FHIT: variants seen among roughly 807,000 people sequenced by gnomAD.
FHIT encodes fragile histidine triad diadenosine triphosphatase, also known as bis(5'-adenosyl)-triphosphatase.
In FHIT, 19 loss-of-function variants were observed where a neutral mutation model predicts 17.9. The observed-to-expected ratio is 1.06, with a 90% CI of 0.74 to 1.56. The LOEUF is 1.56. Among genes scored for constraint, FHIT ranks in the 40% most tolerant of loss-of-function variants. The probability of loss-of-function intolerance (pLI) is 0.00; values close to 1 mark genes in which losing one functional copy is unlikely to be tolerated. For missense variants in FHIT, 248 were observed against 189.2 expected, an observed-to-expected ratio of 1.31 and a Z score of -1.82; for synonymous variants, 81 against 69.7, an observed-to-expected ratio of 1.16 and a Z score of -0.81.
intron 7 of FHIT, among the ~76,000 whole-genome samples, chr3:59,927,239 C>T (rs1317274930): frequency 6.6e-6 from 1 of 151,958 alleles, no homozygotes; most frequent in African/African-American, 2.4e-5. Flanking sequence ...CATGAAAAAG[C>T]CAAATGAGGC....
chr3:59,986,963 A>T (rs2107459128), intron 7 of FHIT, among the ~76,000 whole-genome samples: 1 of 126,142 alleles, frequency 7.9e-6, no homozygotes, highest in South Asian at 2.3e-4. Flanking sequence ...GTATATATGT[A>T]TAGGATTTAC....
At chr3:61,161,687 A>G (rs2037699992) in intron 2 of FHIT, among the ~76,000 whole-genome samples, 1 of 152,248 alleles carries the variant, frequency 6.6e-6, no homozygotes, top group African/African-American at 2.4e-5. Flanking sequence ...AGCAGAAACA[A>G]GAGACAGCAT....
At chr3:60,523,829 TTCTC>T (rs1399948269) in intron 5 of FHIT, among the ~76,000 whole-genome samples, 3 of 152,198 alleles carry the variant, frequency 2.0e-5, no homozygotes, top group African/African-American at 4.8e-5. Flanking sequence ...CACCTGTTAC[TTCTC>T]TCTCTTTCAA....
At chr3:60,855,143 T>C (rs1378851235) in intron 3 of FHIT, among the ~76,000 whole-genome samples, 1 of 152,152 alleles carries the variant, frequency 6.6e-6, no homozygotes, top group African/African-American at 2.4e-5. Flanking sequence ...AAATGTATTC[T>C]CCTTCTTCTC....
intron 8 of FHIT, among the ~76,000 whole-genome samples, chr3:59,852,693 C>A (rs1701989891): frequency 6.6e-6 from 1 of 152,180 alleles, no homozygotes; most frequent in Non-Finnish European, 1.5e-5. Context: ...CTCCCTCCCT[C>A]CTAATCCTTG....
In FHIT at chr3:60,515,964, G is replaced by C. The variant is rs536947886; in HGVS notation, c.103+20896C>G. ...CTCTGGGTATGCAAAAATCACCTTTGCCTTCAGGAAATAAGGCTCACATTT... is the reference window on the plus strand; with the variant it reads ...CTCTGGGTATGCAAAAATCACCTTTCCCTTCAGGAAATAAGGCTCACATTT... On this transcript the variant is annotated intron_variant, in intron 5 of 9. Transcript: ENST00000492590. Among the ~76,000 whole-genome samples the C allele has an allele frequency of 3.9e-5, 6 of 152,218 alleles. No individual in the cohort carries two copies. In the South Asian group the frequency reaches 1.2e-3, roughly 32 times the overall value.
chr3:60,507,654 G>A (rs2034788690), intron 5 of FHIT, among the ~76,000 whole-genome samples: 1 of 151,956 alleles, frequency 6.6e-6, no homozygotes, highest in Non-Finnish European at 1.5e-5. Flanking sequence ...TATTTTTCCT[G>A]ATCCTCTCCC....
At chr3:60,790,552 T>C (rs1227993397) in intron 4 of FHIT, among the ~76,000 whole-genome samples, 1 of 152,076 alleles carries the variant, frequency 6.6e-6, no homozygotes, top group Non-Finnish European at 1.5e-5. Flanking sequence ...AAACCTGCAG[T>C]TTTTCCAACT....
At chr3:60,571,316 A>T (rs909163190) in intron 4 of FHIT, among the ~76,000 whole-genome samples, 1 of 122,344 alleles carries the variant, frequency 8.2e-6, no homozygotes, top group African/African-American at 3.0e-5. Context: ...AGCCTGGGCA[A>T]CAGGGCAAGA....
At chr3:60,850,867 T>C (rs1703126800) in intron 3 of FHIT, among the ~76,000 whole-genome samples, 1 of 152,154 alleles carries the variant, frequency 6.6e-6, no homozygotes, top group Non-Finnish European at 1.5e-5. Flanking sequence ...TATACCTTAT[T>C]GGTATTTTTC....
intron 7 of FHIT, among the ~76,000 whole-genome samples, chr3:59,977,501 T>C (rs980318117): frequency 6.6e-6 from 1 of 152,142 alleles, no homozygotes; most frequent in Admixed American, 6.5e-5. Context: ...AAAAGGGTAA[T>C]GAGAAATAAA....
At chr3:60,218,709 A>C (rs1382158130) in intron 5 of FHIT, among the ~76,000 whole-genome samples, 1 of 152,048 alleles carries the variant, frequency 6.6e-6, no homozygotes, top group Non-Finnish European at 1.5e-5. Flanking sequence ...ACAAACCCAT[A>C]TATGGTACTT....
intron 5 of FHIT, among the ~76,000 whole-genome samples, chr3:60,081,640 A>G (rs1703287885): frequency 6.6e-6 from 1 of 152,196 alleles, no homozygotes; most frequent in African/African-American, 2.4e-5. Flanking sequence ...CTGAATGACA[A>G]TAATAAATGT....
chr3:60,187,146 T>C (rs1355945551), intron 5 of FHIT, among the ~76,000 whole-genome samples: 1 of 152,154 alleles, frequency 6.6e-6, no homozygotes, highest in East Asian at 1.9e-4. Context: ...TTCATTCTTC[T>C]TCTGTGTGTT....
chr3:61,024,666 A>G (rs751784539), intron 3 of FHIT, among the ~76,000 whole-genome samples: 1 of 152,208 alleles, frequency 6.6e-6, no homozygotes, highest in Admixed American at 6.5e-5. Context: ...CAGTTGAATA[A>G]ATACTGTAAC....
At chr3:60,706,760 G>GT (rs1465893188) in intron 4 of FHIT, among the ~76,000 whole-genome samples, 3 of 152,112 alleles carry the variant, frequency 2.0e-5, no homozygotes, top group Non-Finnish European at 4.4e-5. Context: ...GCTGAATTCT[G>GT]TTTTTGTCCA....
At chr3:60,860,367 T>G (rs1703648650) in intron 3 of FHIT, among the ~76,000 whole-genome samples, 2 of 145,666 alleles carry the variant, frequency 1.4e-5, no homozygotes, top group Admixed American at 6.8e-5. Context: ...ATGACATACA[T>G]CATATGTATA....
intron 5 of FHIT, among the ~76,000 whole-genome samples, chr3:60,357,610 C>G (rs2106976998): frequency 6.6e-6 from 1 of 152,252 alleles, no homozygotes; most frequent in African/African-American, 2.4e-5. Context: ...TTACACACTA[C>G]TTAAGGATCA....
At chr3:60,932,888 C>G (rs781842829) in intron 3 of FHIT, among the ~76,000 whole-genome samples, 32 of 152,288 alleles carry the variant, frequency 2.1e-4, no homozygotes, top group Non-Finnish European at 3.7e-4. Flanking sequence ...TCACCCTTCC[C>G]TTGTAGCCAG....
Sources: allele counts gnomAD v4.1 joint callset (sites outside exome capture counted in the v4.1 genomes callset), GRCh38; gene constraint gnomAD v4.1.1; transcripts MANE v1.5; gene names NCBI Gene and HGNC (gene_info 2026-07-23, HGNC 2026-07-21).